The following CNTNAP2 variants were observed in gnomAD, a reference collection of about 807,000 sequenced individuals.
CNTNAP2 encodes the protein contactin associated protein 2, also known as contactin-associated protein-like 2.
In CNTNAP2, 98 loss-of-function variants were observed where a neutral mutation model predicts 155.2. The observed-to-expected ratio is 0.63, with a 90% CI of 0.54 to 0.75. The LOEUF (loss-of-function observed/expected upper bound fraction) is 0.75, where lower values mean the gene tolerates loss of function less well. Among genes scored for constraint, CNTNAP2 ranks in the 30% least tolerant of loss-of-function variants. The pLI is 0.00. For synonymous variants in CNTNAP2, 651 were observed against 631.2 expected (o/e 1.03, Z -0.47); for missense variants, 1,727 against 1,688.1 (o/e 1.02, Z -0.40).
chr7:147,949,440 G>GTATATATATGTATATA (rs1554453478), intron 14 of CNTNAP2, among the ~76,000 whole-genome samples: 8 of 127,402 alleles, frequency 6.3e-5, no homozygotes, highest in African/African-American at 2.2e-4. Flanking sequence ...TCAACTGTGT[G>GTATATATATGTATATA]TATATATATA....
intron 21 of CNTNAP2, among the ~76,000 whole-genome samples, chr7:148,270,889 T>C (rs553680038): frequency 6.6e-6 from 1 of 152,342 alleles, no homozygotes; most frequent in South Asian, 2.1e-4. Context: ...TTCTCTCCTT[T>C]GCAAAATGGG....
intron 1 of CNTNAP2, among the ~76,000 whole-genome samples, chr7:146,460,555 T>C (rs936570292): frequency 2.0e-4 from 30 of 152,232 alleles, no homozygotes; most frequent in Admixed American, 9.2e-4. Flanking sequence ...AATGGATAAA[T>C]AAATTGTATG....
chr7:147,057,472 G>T (rs1400383889), intron 4 of CNTNAP2, among the ~76,000 whole-genome samples: 1 of 152,118 alleles, frequency 6.6e-6, no homozygotes, highest in Non-Finnish European at 1.5e-5. Context: ...TAAAGATAAA[G>T]TTTTGTCAGT....
intron 8 of CNTNAP2, among the ~76,000 whole-genome samples, chr7:147,154,472 C>T (rs1801885267): frequency 6.6e-6 from 1 of 152,148 alleles, no homozygotes; most frequent in East Asian, 1.9e-4. Flanking sequence ...AATTTAAAAA[C>T]ATTTTAAACT....
At chr7:146,446,886 A>G (rs1299204576) in intron 1 of CNTNAP2, among the ~76,000 whole-genome samples, 1 of 152,074 alleles carries the variant, frequency 6.6e-6, no homozygotes, top group African/African-American at 2.4e-5. Context: ...ACTGCTTACA[A>G]CATTTATCTT....
intron 14 of CNTNAP2, among the ~76,000 whole-genome samples, chr7:147,946,640 G>A (rs890288714): frequency 2.0e-5 from 3 of 151,936 alleles, no homozygotes; most frequent in Non-Finnish European, 2.9e-5. Flanking sequence ...GCATTTTCTT[G>A]GCGAGAAATA....
intron 1 of CNTNAP2, among the ~76,000 whole-genome samples, chr7:146,190,859 G>A (rs1265927514): frequency 2.0e-5 from 3 of 151,982 alleles, no homozygotes; most frequent in Non-Finnish European, 4.4e-5. Flanking sequence ...TAGTCATTAA[G>A]AACATGAAAA....
chr7:146,935,545 A>G (rs944313642), intron 3 of CNTNAP2, among the ~76,000 whole-genome samples: 10 of 152,166 alleles, frequency 6.6e-5, no homozygotes, highest in Non-Finnish European at 1.0e-4. Context: ...TACTTTTTCC[A>G]TGGTTTGGAG....
intron 10 of CNTNAP2, among the ~76,000 whole-genome samples, chr7:147,459,731 G>A (rs1457995953): frequency 2.0e-5 from 3 of 152,186 alleles, no homozygotes; most frequent in Admixed American, 1.3e-4. Flanking sequence ...TTCCACATTT[G>A]AAACTTCTGG....
At chr7:146,778,394 G>A (rs1424564552) in intron 2 of CNTNAP2, among the ~76,000 whole-genome samples, 3 of 152,178 alleles carry the variant, frequency 2.0e-5, no homozygotes, top group Non-Finnish European at 4.4e-5. Context: ...GCAAAAGTAT[G>A]GAGGAAATGA....
At chr7:147,325,286 CA>C (rs1313032522) in intron 9 of CNTNAP2, among the ~76,000 whole-genome samples, 1 of 152,094 alleles carries the variant, frequency 6.6e-6, no homozygotes, top group East Asian at 1.9e-4. Context: ...GGATGGGAGA[CA>C]GGGCAAGACT....
At chr7:147,568,430 C>A (rs1256126942) in intron 12 of CNTNAP2, among the ~76,000 whole-genome samples, 2 of 152,210 alleles carry the variant, frequency 1.3e-5, no homozygotes, top group Admixed American at 1.3e-4. Flanking sequence ...TAGGGGGTGT[C>A]CTAAATTATA....
chr7:147,915,541 T>A (rs542946509), intron 14 of CNTNAP2, among the ~76,000 whole-genome samples: 1 of 152,278 alleles, frequency 6.6e-6, no homozygotes, highest in African/African-American at 2.4e-5. Flanking sequence ...TAAATGTGTG[T>A]GCATGTGCTT....
rs139249795 is a variant in CNTNAP2, at chr7:147,760,496, A to C, written c.2098+121190A>C. Among the ~76,000 whole-genome samples, 499 of 152,340 alleles carry C rather than the reference A, an allele frequency of 3.3e-3. 6 individuals are homozygous for C. The highest frequency in any genetic ancestry group is 0.011 in the African/African-American group (470 of 41,576). ...AGAATTAATTGTAAACAAAATATTT[A>C]GATTTAGGAAGATTAAACATTTTTA... is the stretch of plus-strand genomic sequence containing the variant. On this transcript the variant is annotated intron_variant, in intron 13 of 23. Transcript: ENST00000361727.
At chr7:147,207,144 T>C (rs1315874834) in intron 8 of CNTNAP2, among the ~76,000 whole-genome samples, 1 of 152,210 alleles carries the variant, frequency 6.6e-6, no homozygotes, top group Non-Finnish European at 1.5e-5. Context: ...AAAACTGTTG[T>C]CAGGAACTCT....
chr7:147,734,965 C>G (rs1020016743), intron 13 of CNTNAP2, among the ~76,000 whole-genome samples: 1 of 145,584 alleles, frequency 6.9e-6, no homozygotes, highest in African/African-American at 2.5e-5. Flanking sequence ...TTCAAAAAAC[C>G]AGCTCCTGGA....
At chr7:148,109,661 GGC>G (rs1563202301) in intron 15 of CNTNAP2, among the ~76,000 whole-genome samples, 1 of 117,458 alleles carries the variant, frequency 8.5e-6, no homozygotes, top group African/African-American at 4.5e-5. Flanking sequence ...TGGGATTACA[GGC>G]GTTGAGATTC....
intron 2 of CNTNAP2, among the ~76,000 whole-genome samples, chr7:146,806,447 G>C (rs975867376): frequency 1.3e-5 from 2 of 151,510 alleles, no homozygotes; most frequent in African/African-American, 4.9e-5. Flanking sequence ...AGTGAGCCAA[G>C]ATTGCACCAT....
chr7:146,929,912 A>G (rs1205171981), intron 3 of CNTNAP2, among the ~76,000 whole-genome samples: 1 of 152,190 alleles, frequency 6.6e-6, no homozygotes. Context: ...AGAAACGAAC[A>G]AAGCCTCCAA....
Sources: allele counts gnomAD v4.1 joint callset (sites outside exome capture counted in the v4.1 genomes callset), GRCh38; gene constraint gnomAD v4.1.1; transcripts MANE v1.5; gene names NCBI Gene and HGNC (gene_info 2026-07-23, HGNC 2026-07-21).